TMEM132B: variants seen among roughly 807,000 people sequenced by gnomAD.
TMEM132B encodes transmembrane protein 132B.
In TMEM132B, 18 loss-of-function variants were observed where a neutral mutation model predicts 90.8. That is an observed-to-expected ratio of 0.20 (90% CI 0.14 to 0.29). TMEM132B has a LOEUF of 0.29. Ranked by LOEUF, TMEM132B falls within the 10% of genes least tolerant of loss-of-function variation. The pLI is 1.00. For missense variants in TMEM132B, 1,096 were observed against 1,326.8 expected, an observed-to-expected ratio of 0.83 and a Z score of 2.70; for synonymous variants, 504 against 523.3, an observed-to-expected ratio of 0.96 and a Z score of 0.50.
rs148193312 is a variant in TMEM132B at position 125,460,587 on chromosome 12, C to T, written c.1106+44910C>T. On this transcript the variant is annotated intron_variant, in intron 3 of 8. Coordinates refer to ENST00000682704, the MANE Select transcript of TMEM132B (RefSeq NM_001366854.1). This position sits in a 1 kb window ranked among gnomAD's most constrained non-coding sequence, Gnocchi z 4.4. ...AGAAATCATCTCTCCTTCAGTCCAA[C>T]GCATTTCACTCTTCAACAGTACTGC... Among the ~76,000 whole-genome samples, 385 of 152,340 alleles carry T rather than the reference C, an allele frequency of 2.5e-3. No individual in the cohort carries two copies. The highest frequency in any genetic ancestry group is 9.0e-3 in the African/African-American group (374 of 41,584).
At chr12:125,542,550 G>A (rs932834136) in intron 4 of TMEM132B, among the ~76,000 whole-genome samples, 2 of 152,134 alleles carry the variant, frequency 1.3e-5, no homozygotes, top group South Asian at 4.2e-4. Flanking sequence ...TTCTGCCTCT[G>A]TGATTTTCCT....
intron 1 of TMEM132B, among the ~76,000 whole-genome samples, chr12:125,206,755 C>T (rs944359467): frequency 1.3e-5 from 2 of 152,208 alleles, no homozygotes; most frequent in Non-Finnish European, 2.9e-5. Flanking sequence ...TCGCTCTGCT[C>T]CTCTACAGGG....
chr12:125,337,092 A>T (rs1482498206), intron 1 of TMEM132B, among the ~76,000 whole-genome samples: 1 of 152,170 alleles, frequency 6.6e-6, no homozygotes, highest in African/African-American at 2.4e-5. Flanking sequence ...GAAATCTCTC[A>T]TGTTGGCTGA....
chr12:125,290,517 A>C (rs998902201), intron 1 of TMEM132B, among the ~76,000 whole-genome samples: 1 of 152,202 alleles, frequency 6.6e-6, no homozygotes, highest in African/African-American at 2.4e-5. Context: ...CATAAACTAC[A>C]TGAGGCATTG....
chr12:125,510,638 AT>A (rs1160892162), intron 3 of TMEM132B, among the ~76,000 whole-genome samples: 3 of 152,204 alleles, frequency 2.0e-5, no homozygotes, highest in Non-Finnish European at 4.4e-5. Context: ...CCCCAGCTTT[AT>A]TAACTCTTGC....
At chr12:125,503,467 G>A (rs1295481616) in intron 3 of TMEM132B, among the ~76,000 whole-genome samples, 4 of 152,150 alleles carry the variant, frequency 2.6e-5, no homozygotes, top group Non-Finnish European at 4.4e-5. Context: ...CTGACTCACC[G>A]CTGGATCTCA....
intron 4 of TMEM132B, among the ~76,000 whole-genome samples, chr12:125,551,068 C>A (rs1884217346): frequency 6.6e-6 from 1 of 152,254 alleles, no homozygotes; most frequent in Non-Finnish European, 1.5e-5. Context: ...CCGCCTCGGC[C>A]TCCCGAAGTG....
chr12:125,444,612 T>C (rs1880954533), intron 3 of TMEM132B, among the ~76,000 whole-genome samples: 1 of 152,232 alleles, frequency 6.6e-6, no homozygotes. Flanking sequence ...TAAGATTTAT[T>C]ACATGCTCTG....
At chr12:125,386,884 T>C (rs1878850901) in intron 2 of TMEM132B, among the ~76,000 whole-genome samples, 1 of 152,338 alleles carries the variant, frequency 6.6e-6, no homozygotes, top group South Asian at 2.1e-4. Context: ...CAAGGACCTG[T>C]CAGCTATGTT....
intron 3 of TMEM132B, among the ~76,000 whole-genome samples, chr12:125,434,707 T>C (rs1014346553): frequency 1.3e-5 from 2 of 152,160 alleles, no homozygotes; most frequent in Non-Finnish European, 2.9e-5. Context: ...AGCCTAGAGG[T>C]GGTCGCGACT....
intron 3 of TMEM132B, among the ~76,000 whole-genome samples, chr12:125,463,832 G>A (rs977135608): frequency 6.6e-6 from 1 of 152,178 alleles, no homozygotes; most frequent in Non-Finnish European, 1.5e-5. Flanking sequence ...AACAAAAGAG[G>A]TTTAATTGAC....
chr12:125,592,440 T>G (rs1374495430), intron 5 of TMEM132B, among the ~76,000 whole-genome samples: 1 of 152,110 alleles, frequency 6.6e-6, no homozygotes, highest in African/African-American at 2.4e-5. Flanking sequence ...AAATGGCTAA[T>G]AAAGGGACAT....
At chr12:125,189,410 C>T (rs1291438484) in intron 1 of TMEM132B, among the ~76,000 whole-genome samples, 1 of 152,172 alleles carries the variant, frequency 6.6e-6, no homozygotes, top group Non-Finnish European at 1.5e-5. Flanking sequence ...ACCTGCCCCA[C>T]GACAGAGGGG....
At chr12:125,355,397 A>G (rs775204322) in intron 2 of TMEM132B, among the ~76,000 whole-genome samples, 10 of 152,086 alleles carry the variant, frequency 6.6e-5, no homozygotes, top group Admixed American at 1.3e-4. Context: ...ATTTTATGTG[A>G]TGGGCTTGGG....
intron 4 of TMEM132B, among the ~76,000 whole-genome samples, chr12:125,571,116 G>A (rs184919797): frequency 8.9e-4 from 136 of 152,290 alleles, no homozygotes; most frequent in Non-Finnish European, 1.6e-4. Flanking sequence ...AAAGAAATGC[G>A]ATTGTTAGGT....
chr12:125,429,296 C>G (rs1237560974), intron 3 of TMEM132B, among the ~76,000 whole-genome samples: 1 of 151,726 alleles, frequency 6.6e-6, no homozygotes, highest in African/African-American at 2.4e-5. Flanking sequence ...GCCTCCTAGG[C>G]TCAAGCAATC....
At chr12:125,392,199 T>C (rs1879044987) in intron 2 of TMEM132B, among the ~76,000 whole-genome samples, 1 of 152,240 alleles carries the variant, frequency 6.6e-6, no homozygotes, top group Non-Finnish European at 1.5e-5. Context: ...CGTGCTTTCC[T>C]CTCCATCCCT....
rs1472206970 is a variant in TMEM132B, at chr12:125,458,712, C to T, written c.1106+43035C>T. 6.6e-6 allele frequency among the ~76,000 whole-genome samples: 1 copy of T among 152,188 alleles called. No homozygotes were observed. Among genetic ancestry groups the T allele is most frequent in the African/African-American group, 2.4e-5 (1 of 41,450 alleles). On this transcript the variant is annotated intron_variant, in intron 3 of 8. Coordinates refer to ENST00000682704, the MANE Select transcript of TMEM132B (RefSeq NM_001366854.1). The surrounding 1 kb of genome is among the most constrained non-coding windows in gnomAD (Gnocchi z 4.9). ...GCTGGGAAGCCAATGGAGATGTTCC[C>T]GCCTGCACTGCTGTCACACTGGGTG...
intron 2 of TMEM132B, among the ~76,000 whole-genome samples, chr12:125,361,117 C>A (rs1877943126): frequency 6.6e-6 from 1 of 152,160 alleles, no homozygotes. Context: ...CTCAAAGACA[C>A]ACTACAGGGA....
Sources: gnomAD v4.1 joint callset for allele counts (sites outside exome capture counted in the v4.1 genomes callset) on GRCh38, gnomAD v4.1.1 for gene constraint, Gnocchi (gnomAD v3.1) non-coding constraint, MANE v1.5 for transcripts, NCBI Gene and HGNC (gene_info 2026-07-23, HGNC 2026-07-21) for gene names.